The following NTM variants were observed in gnomAD, a reference collection of about 807,000 sequenced individuals.
NTM encodes the protein IgLON family member 2.
In NTM, 13 loss-of-function variants were observed where a neutral mutation model predicts 42.1. The ratio of observed to expected loss-of-function variants is 0.31; its 90% confidence interval spans 0.20 to 0.49. NTM has a LOEUF of 0.49. Among genes scored for constraint, NTM ranks in the 20% least tolerant of loss-of-function variants. The probability of loss-of-function intolerance (pLI) is 0.99; values close to 1 mark genes in which losing one functional copy is unlikely to be tolerated. For synonymous variants in NTM, 187 were observed against 179.2 expected, an observed-to-expected ratio of 1.04 and a Z score of -0.35; for missense variants, 373 against 452.8, an observed-to-expected ratio of 0.82 and a Z score of 1.60.
chr11:132,249,376 G>C (rs1231270484), intron 4 of NTM, among the ~76,000 whole-genome samples: 2 of 152,108 alleles, frequency 1.3e-5, no homozygotes, highest in African/African-American at 4.8e-5. Context: ...CTGTCAGCTG[G>C]AGAAAGAACT....
chr11:131,633,698 CCT>C (rs2063961362), intron 1 of NTM, among the ~76,000 whole-genome samples: 1 of 31,240 alleles, frequency 3.2e-5, no homozygotes, highest in African/African-American at 1.1e-4. Context: ...TCTCTCCCTC[CCT>C]CTCTCCTTCT....
chr11:131,982,434 G>A (rs886772748), intron 2 of NTM, among the ~76,000 whole-genome samples: 2 of 152,140 alleles, frequency 1.3e-5, no homozygotes, highest in African/African-American at 4.8e-5. Flanking sequence ...GGAGAGACAC[G>A]AGAGGTGGGA....
At chr11:131,653,175 G>A (rs917526870) in intron 1 of NTM, among the ~76,000 whole-genome samples, 3 of 152,178 alleles carry the variant, frequency 2.0e-5, no homozygotes, top group South Asian at 4.1e-4. Context: ...AAGAGACTTC[G>A]GTCCCTGCTT....
chr11:131,627,042 G>A (rs1473954323), intron 1 of NTM, among the ~76,000 whole-genome samples: 1 of 152,152 alleles, frequency 6.6e-6, no homozygotes, highest in Non-Finnish European at 1.5e-5. Context: ...TTGCTCCAGC[G>A]GGCTCAGGCG....
At chr11:131,811,834 C>A (rs895438628) in intron 1 of NTM, among the ~76,000 whole-genome samples, 16 of 152,178 alleles carry the variant, frequency 1.1e-4, no homozygotes, top group Non-Finnish European at 1.9e-4. Context: ...AATACAGCTG[C>A]GGCAGCATCT....
intron 1 of NTM, among the ~76,000 whole-genome samples, chr11:131,580,624 G>C (rs918920386): frequency 6.6e-6 from 1 of 152,140 alleles, no homozygotes; most frequent in African/African-American, 2.4e-5. Flanking sequence ...TAATGGGAGG[G>C]GATGGGAGTT....
At chr11:132,320,704 G>A (rs1307045915) in intron 7 of NTM, among the ~76,000 whole-genome samples, 14 of 152,062 alleles carry the variant, frequency 9.2e-5, no homozygotes, top group African/African-American at 3.4e-4. Context: ...TGCCTCTGTA[G>A]GCTCCACCTC....
intron 1 of NTM, among the ~76,000 whole-genome samples, chr11:131,866,489 C>G (rs985387188): frequency 1.3e-5 from 2 of 152,364 alleles, no homozygotes; most frequent in East Asian, 3.9e-4. Flanking sequence ...GTTGGCCATG[C>G]CTTCAGAGCT....
intron 2 of NTM, among the ~76,000 whole-genome samples, chr11:131,920,410 G>T (rs2057053104): frequency 6.6e-6 from 1 of 152,168 alleles, no homozygotes; most frequent in Non-Finnish European, 1.5e-5. Context: ...TTTACTTTTG[G>T]TCAGGTCTAG....
intron 1 of NTM, among the ~76,000 whole-genome samples, chr11:131,661,722 A>T (rs2068100369): frequency 6.6e-6 from 1 of 152,168 alleles, no homozygotes; most frequent in Non-Finnish European, 1.5e-5. Context: ...CTGCTCTTAA[A>T]TATAATTGCT....
chr11:131,492,896 A>G (rs947155343), intron 1 of NTM, among the ~76,000 whole-genome samples: 6 of 152,142 alleles, frequency 3.9e-5, no homozygotes, highest in African/African-American at 1.4e-4. Context: ...TCTAGGAATA[A>G]CAAACCTGTA....
At chr11:132,210,963 G>T (rs967511236) in intron 3 of NTM, among the ~76,000 whole-genome samples, 1 of 152,174 alleles carries the variant, frequency 6.6e-6, no homozygotes, top group East Asian at 1.9e-4. Context: ...GGGGGAGAGA[G>T]AGAGAGAGAT....
intron 1 of NTM, among the ~76,000 whole-genome samples, chr11:131,876,830 A>G (rs1284379772): frequency 6.6e-6 from 1 of 152,158 alleles, no homozygotes; most frequent in African/African-American, 2.4e-5. Flanking sequence ...ATATGAGGAG[A>G]AGGCATAGTT....
At chr11:131,560,860 C>A (rs1262285963) in intron 1 of NTM, among the ~76,000 whole-genome samples, 1 of 152,188 alleles carries the variant, frequency 6.6e-6, no homozygotes, top group Non-Finnish European at 1.5e-5. Flanking sequence ...GAAAGGAAGG[C>A]CCTTTCTCTG....
At chr11:131,434,200 G>A (rs1021056425) in intron 1 of NTM, among the ~76,000 whole-genome samples, 2 of 152,196 alleles carry the variant, frequency 1.3e-5, no homozygotes, top group African/African-American at 4.8e-5. Context: ...ATGGACATTT[G>A]TGTTGGTTCC....
At chr11:132,203,119 A>G (rs2081398834) in intron 3 of NTM, among the ~76,000 whole-genome samples, 1 of 152,184 alleles carries the variant, frequency 6.6e-6, no homozygotes, top group African/African-American at 2.4e-5. Flanking sequence ...CCTGTTGCAC[A>G]GCGCACCCTG....
intron 2 of NTM, among the ~76,000 whole-genome samples, chr11:132,045,667 A>C (rs1292137658): frequency 6.6e-6 from 1 of 152,216 alleles, no homozygotes; most frequent in Non-Finnish European, 1.5e-5. Flanking sequence ...CAGCTAGATC[A>C]GAGACAGGGT....
At chr11:131,461,816 A>C (rs1951406335) in intron 1 of NTM, among the ~76,000 whole-genome samples, 1 of 152,154 alleles carries the variant, frequency 6.6e-6, no homozygotes, top group African/African-American at 2.4e-5. Context: ...AATATATATA[A>C]TTTTTCTTTG....
At chr11:131,696,436 A>G (rs571556373) in intron 1 of NTM, among the ~76,000 whole-genome samples, 224 of 152,330 alleles carry the variant, frequency 1.5e-3, no homozygotes, top group Middle Eastern at 3.4e-3. Context: ...ATCAAGTTGT[A>G]GGGGCCTTCC....
Sources: gnomAD v4.1 joint callset for allele counts (sites outside exome capture counted in the v4.1 genomes callset) on GRCh38, gnomAD v4.1.1 for gene constraint, MANE v1.5 for transcripts, NCBI Gene and HGNC (gene_info 2026-07-23, HGNC 2026-07-21) for gene names.